Variants in MCC observed in about 807,000 individuals in gnomAD.
MCC encodes colorectal mutant cancer protein.
In MCC, 90 loss-of-function variants were observed where a neutral mutation model predicts 116.2. The observed-to-expected ratio is 0.77, with a 90% CI of 0.65 to 0.92. The LOEUF (loss-of-function observed/expected upper bound fraction) is 0.92. Ranked by LOEUF, MCC falls within the 40% of genes least tolerant of loss-of-function variation. The pLI, the probability that MCC is intolerant of heterozygous loss-of-function variation, is 0.00. For synonymous variants in MCC, 578 were observed against 510.5 expected, an observed-to-expected ratio of 1.13 and a Z score of -1.78; for missense variants, 1,516 against 1,312.2, an observed-to-expected ratio of 1.16 and a Z score of -2.40.
intron 3 of MCC, chr5:113,269,139 G>A: frequency 1.0e-6 from 1 of 983,742 alleles, no homozygotes; most frequent in Non-Finnish European, 1.2e-6. Flanking sequence ...GCAACCTGGA[G>A]GGAGACAAGG....
At position 113,125,433 on chromosome 5, in the gene MCC, A is replaced by T. The variant is rs1433043749; in HGVS notation, c.885-2607T>A. ...TTTGTGCCACAAAGAGTGAGGTATA[A>T]AAATGTTAAACTGAGCTTAAATATT... On this transcript the variant is annotated intron_variant, in intron 5 of 18. Transcript: ENST00000408903. 2.0e-5 allele frequency among the ~76,000 whole-genome samples: 3 copies of T among 152,192 alleles called. No homozygotes were observed. In the East Asian group the frequency reaches 5.8e-4, roughly 29 times the overall value.
In MCC at chr5:113,245,403, GT is replaced by G. The variant is rs989421797; in HGVS notation, c.628-93982del. On this transcript the variant is annotated intron_variant, in intron 3 of 18. Transcript: ENST00000408903. ...CTCTCTTGTGTTCTCCAAGTCATCT[GT>G]TTTTTTTTAACCCAATGAAATATTT... Among the ~76,000 whole-genome samples the G allele has an allele frequency of 2.7e-4, 40 of 149,890 alleles. 1 individual carries two copies. In the Middle Eastern group the frequency reaches 0.014, roughly 52 times the overall value.
chr5:113,483,120 T>C (rs1032625379), intron 1 of MCC, among the ~76,000 whole-genome samples: 8 of 152,348 alleles, frequency 5.3e-5, no homozygotes, highest in Non-Finnish European at 7.4e-5. Flanking sequence ...TTCTATTCCA[T>C]TGACCTATTT....
intron 1 of MCC, among the ~76,000 whole-genome samples, chr5:113,459,749 A>G (rs1771693528): frequency 6.6e-6 from 1 of 151,938 alleles, no homozygotes. Flanking sequence ...TAAAAGTCAA[A>G]GGGCAGACAA....
chr5:113,319,926 A>C (rs138550563), intron 3 of MCC, among the ~76,000 whole-genome samples: 1 of 152,178 alleles, frequency 6.6e-6, no homozygotes, highest in Non-Finnish European at 1.5e-5. Context: ...TGAGGCCCCA[A>C]AGTTATTTCT....
intron 3 of MCC, among the ~76,000 whole-genome samples, chr5:113,222,048 T>C (rs905721521): frequency 5.9e-5 from 9 of 152,236 alleles, no homozygotes; most frequent in African/African-American, 2.2e-4. Context: ...TGTAGGTTTT[T>C]TCATAGCTTT....
At chr5:113,080,227 T>C (rs945986308) in intron 11 of MCC, among the ~76,000 whole-genome samples, 78 of 152,216 alleles carry the variant, frequency 5.1e-4, no homozygotes, top group Admixed American at 1.1e-3. Context: ...AGTTCAACCA[T>C]TGTGGAAGAC....
chr5:113,072,103 G>A (rs1164450060), intron 11 of MCC, among the ~76,000 whole-genome samples: 1 of 152,202 alleles, frequency 6.6e-6, no homozygotes, highest in African/African-American at 2.4e-5. Context: ...GATGCCACAA[G>A]TCATTTTCCA....
At chr5:113,449,178 T>C (rs1013129782) in intron 1 of MCC, among the ~76,000 whole-genome samples, 6 of 152,218 alleles carry the variant, frequency 3.9e-5, no homozygotes, top group Non-Finnish European at 8.8e-5. Flanking sequence ...AGATCCTTAC[T>C]GGAAGCCAAT....
intron 3 of MCC, among the ~76,000 whole-genome samples, chr5:113,246,211 G>C (rs547161172): frequency 6.6e-6 from 1 of 152,298 alleles, no homozygotes; most frequent in East Asian, 1.9e-4. Context: ...TAGGGTTCTG[G>C]AGGCAGTTAA....
At chr5:113,333,283 AG>A (rs1767746579) in intron 3 of MCC, among the ~76,000 whole-genome samples, 1 of 151,724 alleles carries the variant, frequency 6.6e-6, no homozygotes, top group Admixed American at 6.5e-5. Flanking sequence ...ATCAAGTTTC[AG>A]TTAATAACGA....
At position 113,153,539 on chromosome 5, in the gene MCC, A is replaced by T. The variant is rs1760005572; in HGVS notation, c.628-2117T>A. Among the ~76,000 whole-genome samples, 3 of 152,200 alleles carry T rather than the reference A, an allele frequency of 2.0e-5. No homozygotes were observed. The South Asian group carries it at 6.2e-4, about 31-fold the overall frequency. Reference sequence around the variant, plus strand: ...TCCAGGAAGAGCTGTCAGATGCCCAAGGGGGCAGGTCCCTTCACTTCTCTG... The same window carrying T: ...TCCAGGAAGAGCTGTCAGATGCCCATGGGGGCAGGTCCCTTCACTTCTCTG... On this transcript the variant is annotated intron_variant, in intron 3 of 18. Transcript: ENST00000408903.
intron 3 of MCC, among the ~76,000 whole-genome samples, chr5:113,228,965 CCA>C (rs776448418): frequency 5.3e-5 from 8 of 152,030 alleles, no homozygotes; most frequent in Non-Finnish European, 1.0e-4. Flanking sequence ...AATGTGGAGT[CCA>C]GAGTTTGATT....
At chr5:113,346,618 C>T (rs917044531) in intron 2 of MCC, among the ~76,000 whole-genome samples, 44 of 131,976 alleles carry the variant, frequency 3.3e-4, no homozygotes, top group Non-Finnish European at 6.0e-4. Flanking sequence ...AAACAAACAA[C>T]AACAACAACA....
chr5:113,352,251 T>C (rs1014742725), intron 2 of MCC, among the ~76,000 whole-genome samples: 2 of 152,196 alleles, frequency 1.3e-5, no homozygotes, highest in Non-Finnish European at 2.9e-5. Context: ...CTGAAAAACT[T>C]TGAAAATGCA....
chr5:113,077,800 T>G (rs1754560991), intron 11 of MCC, among the ~76,000 whole-genome samples: 1 of 151,812 alleles, frequency 6.6e-6, no homozygotes, highest in Admixed American at 6.6e-5. Flanking sequence ...AAGAAAAAAC[T>G]AAGATCAGAG....
At chr5:113,186,335 T>A (rs76906196) in intron 3 of MCC, among the ~76,000 whole-genome samples, 8,399 of 152,208 alleles carry the variant, frequency 0.055, 272 homozygotes, top group African/African-American at 0.069. Flanking sequence ...ATTTGCAGTC[T>A]CCCTTACACC....
intron 1 of MCC, among the ~76,000 whole-genome samples, chr5:113,427,094 A>C (rs749926475): frequency 2.0e-5 from 3 of 152,282 alleles, no homozygotes; most frequent in Middle Eastern, 6.8e-3. Flanking sequence ...CATCTTCTTC[A>C]GGTCTAGCCA....
At chr5:113,077,948 C>A (rs6866208) in intron 11 of MCC, among the ~76,000 whole-genome samples, 1 of 151,886 alleles carries the variant, frequency 6.6e-6, no homozygotes. Context: ...ATCAAATAGA[C>A]GCAATAAAAA....
Sources: gnomAD v4.1 joint callset for allele counts (sites outside exome capture counted in the v4.1 genomes callset) on GRCh38, gnomAD v4.1.1 for gene constraint, MANE v1.5 for transcripts, NCBI Gene and HGNC (gene_info 2026-07-23, HGNC 2026-07-21) for gene names.